PCDHGB7: variants seen among roughly 807,000 people sequenced by gnomAD.
The protein encoded by PCDHGB7 is protocadherin gamma subfamily B, 7, also known as protocadherin gamma-B7.
In PCDHGB7, 37 loss-of-function variants were observed where a neutral mutation model predicts 61.4. The observed-to-expected ratio is 0.60, with a 90% CI of 0.46 to 0.79. PCDHGB7 has a LOEUF of 0.79. PCDHGB7 is among the 30% of genes least tolerant of loss of function. The probability of loss-of-function intolerance (pLI) is 0.00; values close to 1 mark genes in which losing one functional copy is unlikely to be tolerated. For missense variants in PCDHGB7, 1,166 were observed against 1,202.5 expected (o/e 0.97, Z 0.45); for synonymous variants, 464 against 503.5 (o/e 0.92, Z 1.05).
chr5:141,482,049 C>G (rs1456071625), intron 1 of PCDHGB7, among the ~76,000 whole-genome samples: 2 of 149,284 alleles, frequency 1.3e-5, no homozygotes, highest in Non-Finnish European at 3.0e-5. Context: ...CATGCTGTTG[C>G]ATTCCAGCCT....
chr5:141,475,929 C>A, intron 1 of PCDHGB7: 1 of 634,624 alleles, frequency 1.6e-6, no homozygotes, highest in Non-Finnish European at 2.7e-6. Context: ...GGAGATCGGG[C>A]CCCTGCCCGT....
chr5:141,464,063 A>G (rs893270944), intron 1 of PCDHGB7, among the ~76,000 whole-genome samples: 2 of 152,016 alleles, frequency 1.3e-5, no homozygotes, highest in Non-Finnish European at 2.9e-5. Flanking sequence ...TCAGGAGTTC[A>G]AGGCCAGCCT....
In PCDHGB7 at chr5:141,422,843, G is replaced by C. The variant is rs778670588; in HGVS notation, c.2415+2569G>C. 1.9e-6 allele frequency: 3 copies of C among 1,614,234 alleles called. No homozygotes were observed. In the East Asian group the frequency reaches 6.7e-5, roughly 36 times the overall value. ...CTGAGAGTGATAGCACGTGACAGCG[G>C]GGACCCGCCCCTCAGCAGCAACGTG... is the stretch of plus-strand genomic sequence containing the variant. On this transcript the variant is annotated intron_variant, in intron 1 of 3. Coordinates refer to ENST00000398594, the MANE Select transcript of PCDHGB7 (RefSeq NM_018927.4).
chr5:141,498,967 GGGAGGGAAGGAAGGAA>G (rs1333462541), intron 2 of PCDHGB7, among the ~76,000 whole-genome samples: 8 of 129,672 alleles, frequency 6.2e-5, no homozygotes, highest in East Asian at 2.2e-4. Context: ...GAGGGAGGGA[GGGAGGGAAGGAAGGAA>G]GGAAGGAAGG....
chr5:141,468,952 G>GA (rs2099186671), intron 1 of PCDHGB7, among the ~76,000 whole-genome samples: 1 of 151,198 alleles, frequency 6.6e-6, no homozygotes. Context: ...TAAACCTGTG[G>GA]TTTTTTTTAC....
At chr5:141,427,637 C>T (rs771573587) in intron 1 of PCDHGB7, 5 of 707,806 alleles carry the variant, frequency 7.1e-6, no homozygotes, top group Non-Finnish European at 1.3e-5. Context: ...CGGTTTTCCA[C>T]CAAGTCTCCT....
chr5:141,473,263 T>C (rs2099318134), intron 1 of PCDHGB7, among the ~76,000 whole-genome samples: 1 of 152,210 alleles, frequency 6.6e-6, no homozygotes, highest in African/African-American at 2.4e-5. Context: ...GTCCTTAGTG[T>C]ATGCTATGAT....
intron 1 of PCDHGB7, among the ~76,000 whole-genome samples, chr5:141,463,534 C>T (rs866525322): frequency 2.6e-4 from 39 of 148,938 alleles, no homozygotes; most frequent in Admixed American, 7.5e-4. Flanking sequence ...CTAGAAACTC[C>T]GGCTCCCGGG....
chr5:141,419,122 C>T lies in PCDHGB7; in HGVS notation c.1263C>T (p.Thr421=), dbSNP rs1418298635. 2 of 1,613,862 alleles carry T rather than the reference C, an allele frequency of 1.2e-6. No homozygotes were observed. The highest frequency in any genetic ancestry group is 1.3e-5 in the African/African-American group (1 of 75,074). Residue 421 remains threonine (T), a synonymous_variant, in exon 1 of 4, where the codon ACC becomes ACT. Transcript: ENST00000398594. The part of the protein sequence containing the change: ...DREQTPEYNV[T]IAATDRGKPP... ...AGCAGACCCCAGAGTACAACGTCAC[C>T]ATCGCAGCCACAGACAGGGGCAAGC...
intron 1 of PCDHGB7, among the ~76,000 whole-genome samples, chr5:141,470,694 ATAATTT>A (rs2099236876): frequency 6.6e-6 from 1 of 151,978 alleles, no homozygotes; most frequent in African/African-American, 2.4e-5. Context: ...GAAATTCTTA[ATAATTT>A]TTATTTTATT....
At chr5:141,422,307 C>T in intron 1 of PCDHGB7, 4 of 1,547,552 alleles carry the variant, frequency 2.6e-6, no homozygotes, top group South Asian at 1.3e-5. Flanking sequence ...TTCTGGAAAA[C>T]TCTCCTCCAG....
At chr5:141,433,150 G>C (rs1466566074) in intron 1 of PCDHGB7, 5 of 1,613,936 alleles carry the variant, frequency 3.1e-6, no homozygotes, top group Middle Eastern at 1.6e-4. Flanking sequence ...CAGGTGATTC[G>C]GTATTTTCTA....
At position 141,486,706 on chromosome 5, in the gene PCDHGB7, C is replaced by G; in HGVS notation, c.2416-8101C>G. 6.2e-7 allele frequency: 1 copy of G among 1,614,154 alleles called. No homozygotes were observed. Among genetic ancestry groups the G allele is most frequent in the Non-Finnish European group, 8.5e-7 (1 of 1,180,024 alleles). ...CAGCTTCCTCTTTCATCTCTCTGAA[C>G]CCCCAGACAGGAGCTGTTCATGCTA... On this transcript the variant is annotated intron_variant, in intron 1 of 3. Coordinates refer to ENST00000398594, the MANE Select transcript of PCDHGB7 (RefSeq NM_018927.4). This position sits in a 1 kb window ranked among gnomAD's most constrained non-coding sequence, Gnocchi z 5.0.
chr5:141,505,436 T>C lies in PCDHGB7; in HGVS notation c.2518T>C (p.Phe840Leu). 1.2e-6 allele frequency: 2 copies of C among 1,614,118 alleles called. No homozygotes were observed. The highest frequency in any genetic ancestry group is 1.7e-6 in the Non-Finnish European group (2 of 1,179,998). ...DDTGTWPNNQ[F>L]DTEMLQAMIL... is the part of the protein sequence containing the mutation. ...CACCGGCACCTGGCCCAACAACCAG[T>C]TTGACACAGAGATGCTGCAAGCCAT... Residue 840 changes from phenylalanine (F) to leucine (L), a missense_variant, in exon 3 of 4, where the codon TTT becomes CTT. Phe to Leu is a conservative substitution (Grantham distance 22). Coordinates refer to ENST00000398594, the MANE Select transcript of PCDHGB7 (RefSeq NM_018927.4).
intron 3 of PCDHGB7, among the ~76,000 whole-genome samples, chr5:141,509,636 C>T (rs1199892148): frequency 6.6e-6 from 1 of 152,164 alleles, no homozygotes; most frequent in Non-Finnish European, 1.5e-5. Context: ...TGATGCTGAG[C>T]CAGGGCCAGA....
intron 1 of PCDHGB7, among the ~76,000 whole-genome samples, chr5:141,420,727 G>C (rs1454487477): frequency 2.0e-5 from 3 of 152,180 alleles, no homozygotes; most frequent in African/African-American, 7.2e-5. Flanking sequence ...CTTTCAGTCG[G>C]TTAAAATCAA....
chr5:141,475,213 G>C (rs1359120020), intron 1 of PCDHGB7, among the ~76,000 whole-genome samples: 2 of 152,170 alleles, frequency 1.3e-5, no homozygotes, highest in African/African-American at 4.8e-5. Context: ...GAAAAGGATT[G>C]ATCAAGTAAA....
Position 141,432,548 on chromosome 5 carries a change from G to T in PCDHGB7, c.2415+12274G>T, listed in dbSNP as rs1251651638. On this transcript the variant is annotated intron_variant, in intron 1 of 3. Coordinates refer to ENST00000398594, the MANE Select transcript of PCDHGB7 (RefSeq NM_018927.4). The surrounding 1 kb of genome is among the most constrained non-coding windows in gnomAD (Gnocchi z 6.0). ...GACCAAGGTGGTGGCGGTGGACAGA[G>T]ACTCCGGCCAGAACGCCTGGCTGTC... 1.9e-6 allele frequency: 3 copies of T among 1,613,998 alleles called. No homozygotes were observed. The South Asian group carries it at 3.3e-5, about 18-fold the overall frequency.
Position 141,494,802 on chromosome 5 carries a change from C to T in PCDHGB7, c.2416-5C>T. 5 of 1,614,120 alleles carry T rather than the reference C, an allele frequency of 3.1e-6. No individual in the cohort carries two copies. The highest frequency in any genetic ancestry group is 4.2e-6 in the Non-Finnish European group (5 of 1,180,016). ...TCAGCCCCTTTCCCTCTGTTTTCTC[C>T]ACAGCAAGCCCCGCCCAACACGGAC... is the stretch of plus-strand genomic sequence containing the variant. On this transcript the variant is annotated splice_polypyrimidine_tract_variant and splice_region_variant and intron_variant, in intron 1 of 3. Transcript: ENST00000398594.
Sources: allele counts gnomAD v4.1 joint callset (sites outside exome capture counted in the v4.1 genomes callset), GRCh38; gene constraint gnomAD v4.1.1; non-coding constraint Gnocchi (gnomAD v3.1); transcripts MANE v1.5; gene names NCBI Gene and HGNC (gene_info 2026-07-23, HGNC 2026-07-21).